Variants in TWSG1 observed in about 807,000 individuals in gnomAD.
TWSG1 encodes the protein twisted gastrulation protein homolog 1.
In TWSG1, 15 loss-of-function variants were observed where a neutral mutation model predicts 23.0. The observed-to-expected ratio is 0.65, with a 90% confidence interval of 0.44 to 1.00. The LOEUF is 1.00. Ranked by LOEUF, TWSG1 falls within the 50% of genes least tolerant of loss-of-function variation. The pLI is 0.00. For missense variants in TWSG1, 242 were observed against 278.7 expected (o/e 0.87, Z 0.94); for synonymous variants, 86 against 92.8 (o/e 0.93, Z 0.42).
chr18:9,364,901 T>G (rs751512512), intron 3 of TWSG1, among the ~76,000 whole-genome samples: 1 of 151,832 alleles, frequency 6.6e-6, no homozygotes, highest in Non-Finnish European at 1.5e-5. Context: ...GTAAATGGAA[T>G]CCTACACTAC....
In TWSG1 at chr18:9,372,008, G is replaced by A. The variant is rs4798796; in HGVS notation, c.223+11937G>A. On this transcript the variant is annotated intron_variant, in intron 3 of 4. Transcript: ENST00000262120. The stretch of plus-strand genomic sequence containing the variant: ...TCTCGAACTCCTGACCTCATGATCC[G>A]CCCTCCTTGGCCTCCCAAAGTGCTG... 3.5e-3 allele frequency among the ~76,000 whole-genome samples: 531 copies of A among 151,918 alleles called. 11 individuals are homozygous for A. The highest frequency in any genetic ancestry group is 0.028 in the East Asian group (144 of 5,164).
intron 3 of TWSG1, among the ~76,000 whole-genome samples, chr18:9,375,036 G>A (rs1286231296): frequency 2.6e-5 from 4 of 152,050 alleles, no homozygotes; most frequent in South Asian, 2.1e-4. Flanking sequence ...GCGTGGTGGC[G>A]GACGCCTGTA....
intron 3 of TWSG1, among the ~76,000 whole-genome samples, chr18:9,377,571 A>C (rs1409022629): frequency 2.6e-5 from 4 of 152,100 alleles, no homozygotes; most frequent in Non-Finnish European, 1.5e-5. Flanking sequence ...ATCCATCTGC[A>C]AAATATGAAT....
chr18:9,399,478 G>A lies in TWSG1; in HGVS notation c.623G>A (p.Cys208Tyr), dbSNP rs370462832. The change falls in exon 5 of 5, where the codon TGT (cysteine) becomes TAT (tyrosine). Residue 208 changes from cysteine to tyrosine, a missense_variant. Cys to Tyr is a radical substitution (Grantham distance 194). Transcript: ENST00000262120. ...NACCECIGPE[C>Y]IDYGSKTVKC... ...TGCTGCGAGTGCATTGGTCCAGAAT[G>A]TATTGACTATGGTAGTAAAACTGTC... 1.9e-6 allele frequency: 3 copies of A among 1,613,620 alleles called. No individual in the cohort carries two copies. Among genetic ancestry groups the A allele is most frequent in the African/African-American group, 2.7e-5 (2 of 74,918 alleles).
At chr18:9,370,031 A>C (rs1187768348) in intron 3 of TWSG1, among the ~76,000 whole-genome samples, 3 of 152,038 alleles carry the variant, frequency 2.0e-5, no homozygotes, top group African/African-American at 7.2e-5. Context: ...CCAAAGAATC[A>C]TTGTCCAGCC....
intron 3 of TWSG1, among the ~76,000 whole-genome samples, chr18:9,377,100 T>TG (rs1333751732): frequency 6.6e-6 from 1 of 152,106 alleles, no homozygotes; most frequent in East Asian, 1.9e-4. Context: ...TGGTGTTTCC[T>TG]GGGGGGTCCT....
chr18:9,363,453 G>C (rs2040562227), intron 3 of TWSG1, among the ~76,000 whole-genome samples: 1 of 151,836 alleles, frequency 6.6e-6, no homozygotes, highest in African/African-American at 2.4e-5. Context: ...CTGTTTGTTG[G>C]TATATGTCTC....
At chr18:9,364,822 T>C (rs568549345) in intron 3 of TWSG1, among the ~76,000 whole-genome samples, 70 of 151,388 alleles carry the variant, frequency 4.6e-4, no homozygotes, top group Non-Finnish European at 8.7e-4. Context: ...AGAAGAAAAG[T>C]TGTAGAACAA....
chr18:9,395,125 A>G (rs768353444), intron 3 of TWSG1, among the ~76,000 whole-genome samples: 1 of 152,138 alleles, frequency 6.6e-6, no homozygotes, highest in Non-Finnish European at 1.5e-5. Context: ...GACAGTGTTA[A>G]AGAGTACAGA....
Position 9,401,099 on chromosome 18 carries a change from A to C in TWSG1, c.*1572A>C, listed in dbSNP as rs1359269128. The C allele has an allele frequency of 1.3e-5, 2 of 152,230 alleles. No individual in the cohort carries two copies. Among genetic ancestry groups the C allele is most frequent in the African/African-American group, 2.4e-5 (1 of 41,466 alleles). 9.4% of individuals were successfully genotyped at this position (152,230 alleles called of 1,614,324 possible). A position where few individuals can be genotyped will look rare whatever the true frequency, so the allele number is the denominator to read the frequency against. On this transcript the variant is annotated 3_prime_UTR_variant, in exon 5 of 5. Coordinates refer to ENST00000262120, the MANE Select transcript of TWSG1 (RefSeq NM_020648.6). The stretch of plus-strand genomic sequence containing the variant: ...GTCTTAATACCTTTTCTGCTCTTTC[A>C]AATAACTCTAATGAATATTCAAGAT...
At chr18:9,397,148 T>C (rs377688787) in intron 4 of TWSG1, 7 of 152,326 alleles carry the variant, frequency 4.6e-5, no homozygotes, top group African/African-American at 1.7e-4. Flanking sequence ...TATTGGAAAA[T>C]AGATAATTGT....
At chr18:9,382,083 C>CCT (rs2040659110) in intron 3 of TWSG1, among the ~76,000 whole-genome samples, 2 of 145,638 alleles carry the variant, frequency 1.4e-5, no homozygotes, top group South Asian at 2.2e-4. Flanking sequence ...TATTTTTAGT[C>CCT]TTTTTTTTTT....
chr18:9,356,900 T>C (rs1031117701), intron 2 of TWSG1, among the ~76,000 whole-genome samples: 1 of 150,000 alleles, frequency 6.7e-6, no homozygotes, highest in Non-Finnish European at 1.5e-5. Flanking sequence ...GGATATTTTC[T>C]ACATATAAAG....
intron 3 of TWSG1, among the ~76,000 whole-genome samples, chr18:9,376,584 G>C (rs149720379): frequency 1.3e-5 from 2 of 152,318 alleles, no homozygotes; most frequent in African/African-American, 4.8e-5. Context: ...GCTCACGCCT[G>C]TAATCTCACC....
intron 3 of TWSG1, among the ~76,000 whole-genome samples, chr18:9,392,310 T>G (rs926499690): frequency 2.0e-5 from 3 of 152,260 alleles, no homozygotes; most frequent in African/African-American, 7.2e-5. Context: ...CTGCAGTTTA[T>G]ACATCAGCAC....
intron 3 of TWSG1, among the ~76,000 whole-genome samples, chr18:9,387,096 G>A (rs1449629939): frequency 6.6e-6 from 1 of 152,206 alleles, no homozygotes; most frequent in Non-Finnish European, 1.5e-5. Context: ...GATAGCTGCA[G>A]AATGATAAGC....
Position 9,396,415 on chromosome 18 carries a change from C to G in TWSG1, c.359C>G (p.Ser120Cys), listed in dbSNP as rs1200883812. 6.2e-7 allele frequency: 1 copy of G among 1,614,186 alleles called. No individual in the cohort carries two copies. Among genetic ancestry groups the G allele is most frequent in the South Asian group, 1.1e-5 (1 of 91,076 alleles). Residue 120 changes from serine to cysteine, a missense_variant, in exon 4 of 5, where the codon TCT (serine) becomes TGT (cysteine). Physicochemically the swap from Ser to Cys is moderately radical, Grantham distance 112. Coordinates refer to ENST00000262120, the MANE Select transcript of TWSG1 (RefSeq NM_020648.6). ...GDTQLNWNIV[S>C]FPVAEELSHH... ...ACTCAGTTGAATTGGAACATCGTTT[C>G]TTTCCCTGTTGCAGAAGAACTTTCA...
chr18:9,343,296 G>A (rs575944974), intron 2 of TWSG1, among the ~76,000 whole-genome samples: 3 of 130,620 alleles, frequency 2.3e-5, no homozygotes, highest in Non-Finnish European at 4.9e-5. Context: ...TAATATATAC[G>A]TTTTATATAA....
chr18:9,373,295 G>A (rs2040614624), intron 3 of TWSG1, among the ~76,000 whole-genome samples: 1 of 152,178 alleles, frequency 6.6e-6, no homozygotes, highest in Non-Finnish European at 1.5e-5. Context: ...TTGGGAGGCT[G>A]AGGCAGGTGG....
Sources: gnomAD v4.1 joint callset for allele counts (sites outside exome capture counted in the v4.1 genomes callset) on GRCh38, gnomAD v4.1.1 for gene constraint, MANE v1.5 for transcripts, NCBI Gene and HGNC (gene_info 2026-07-23, HGNC 2026-07-21) for gene names.